Variants in CDH3 observed in about 807,000 individuals in gnomAD.
CDH3 encodes the protein cadherin-3.
In CDH3, 54 loss-of-function variants were observed where a neutral mutation model predicts 82.0. That is an observed-to-expected ratio of 0.66 (90% CI 0.53 to 0.83). CDH3 has a LOEUF of 0.83. Ranked by LOEUF, CDH3 falls within the 40% of genes least tolerant of loss-of-function variation. CDH3 has a pLI of 0.00. For synonymous variants in CDH3, 446 were observed against 437.9 expected, an observed-to-expected ratio of 1.02 and a Z score of -0.23; for missense variants, 1,054 against 1,084.6, an observed-to-expected ratio of 0.97 and a Z score of 0.40.
intron 2 of CDH3, among the ~76,000 whole-genome samples, chr16:68,655,527 T>A (rs952967160): frequency 1.3e-5 from 2 of 152,066 alleles, no homozygotes; most frequent in African/African-American, 4.8e-5. Context: ...GACAGACAAA[T>A]AAGTACAATA....
chr16:68,716,900 T>C (rs566360043), intron 1 of CDH3, among the ~76,000 whole-genome samples: 1 of 151,100 alleles, frequency 6.6e-6, no homozygotes, highest in African/African-American at 2.4e-5. Flanking sequence ...TTTTTCTTTT[T>C]TTTTTTTTTT....
At chr16:68,676,614 A>T in intron 3 of CDH3, 144 bp downstream of exon 3, 1 of 712,460 alleles carries the variant, frequency 1.4e-6, no homozygotes, top group South Asian at 1.5e-5. Flanking sequence ...TCAGCTGTCC[A>T]CAGCTTGGGT....
chr16:68,679,744 TAGAC>T, intron 6 of CDH3, 51 bp from the exon 7 acceptor site: 1 of 1,029,794 alleles, frequency 9.7e-7, no homozygotes, highest in South Asian at 1.3e-5. Flanking sequence ...GTTCCAGAAG[TAGAC>T]AGGGCTGGAG....
At chr16:68,728,664 G>A (rs545416758), downstream of CDH3, among the ~76,000 whole-genome samples, 1 of 152,296 alleles carries the variant, frequency 6.6e-6, no homozygotes, top group Admixed American at 6.5e-5. Flanking sequence ...TAAACAGAAT[G>A]CTTGGCACAT....
intron 11 of CDH3, 84 bp from the exon 12 acceptor site, chr16:68,687,428 G>A: frequency 9.8e-7 from 1 of 1,017,024 alleles, no homozygotes; most frequent in Non-Finnish European, 1.6e-6. Flanking sequence ...TGAGAGGTGA[G>A]AGCTGGGCGG....
intron 2 of CDH3, among the ~76,000 whole-genome samples, chr16:68,671,180 A>G (rs113388743): frequency 1.3e-5 from 2 of 149,164 alleles, no homozygotes; most frequent in African/African-American, 5.0e-5. Flanking sequence ...TTTAAGAGAC[A>G]GGGTCTAGCT....
intron 2 of CDH3, among the ~76,000 whole-genome samples, chr16:68,671,406 C>CTG (rs1864788407): frequency 6.6e-6 from 1 of 152,086 alleles, no homozygotes; most frequent in Admixed American, 6.6e-5. Context: ...CAACTTCTCC[C>CTG]TGTGGCTTCA....
chr16:68,719,343 T>C (rs1962134118), intron 1 of CDH3, among the ~76,000 whole-genome samples: 1 of 151,352 alleles, frequency 6.6e-6, no homozygotes, highest in African/African-American at 2.4e-5. Context: ...AAGAAACATA[T>C]ACAACAGGCC....
chr16:68,686,284 C>T, intron 11 of CDH3: 1 of 684,522 alleles, frequency 1.5e-6, no homozygotes, highest in Non-Finnish European at 2.6e-6. Context: ...CACCTGCACC[C>T]AGGCGGTCTT....
intron 2 of CDH3, among the ~76,000 whole-genome samples, chr16:68,649,661 G>A (rs1960181943): frequency 6.6e-6 from 1 of 152,124 alleles, no homozygotes; most frequent in African/African-American, 2.4e-5. Context: ...AGTACTTGGA[G>A]GGGCGTGTGG....
intron 1 of CDH3, among the ~76,000 whole-genome samples, chr16:68,709,831 CTCCT>C (rs1962006038): frequency 6.6e-6 from 1 of 152,210 alleles, no homozygotes; most frequent in African/African-American, 2.4e-5. Context: ...TTGTCCTCAA[CTCCT>C]TCCTTTTATT....
intron 2 of CDH3, among the ~76,000 whole-genome samples, chr16:68,674,608 G>C: frequency 6.6e-6 from 1 of 152,082 alleles, no homozygotes; most frequent in Middle Eastern, 3.4e-3. Context: ...GGTGGCATGC[G>C]TCTGTGGTCC....
chr16:68,695,181 G>A (rs1961679179), intron 13 of CDH3, 74 bp from the exon 14 acceptor site: 2 of 1,517,206 alleles, frequency 1.3e-6, no homozygotes, highest in African/African-American at 1.4e-5. Flanking sequence ...CAGTTAGAGG[G>A]GCTCTGAGGG....
chr16:68,676,382 C>G lies in CDH3; in HGVS notation c.161-3C>G. 1 of 1,609,980 alleles carries G rather than the reference C, an allele frequency of 6.2e-7. No individual in the cohort carries two copies. Among genetic ancestry groups the G allele is most frequent in the Middle Eastern group, 1.7e-4 (1 of 6,048 alleles). ...TAATGCTCTCTCTTCCCCTTCCCCA[C>G]AGTATTCATGGGCTGCCCTGGGCAA... is the stretch of plus-strand genomic sequence containing the variant. On this transcript the variant is annotated splice_polypyrimidine_tract_variant and splice_region_variant and intron_variant, in intron 2 of 15. Coordinates refer to ENST00000264012, the MANE Select transcript of CDH3 (RefSeq NM_001793.6).
chr16:68,655,995 A>AGGCAAGGGAGTTG (rs1239611249), intron 2 of CDH3, among the ~76,000 whole-genome samples: 27 of 152,206 alleles, frequency 1.8e-4, no homozygotes, highest in African/African-American at 6.5e-4. Flanking sequence ...AAGAAGAATT[A>AGGCAAGGGAGTTG]GGCAAGGGAG....
intron 2 of CDH3, among the ~76,000 whole-genome samples, chr16:68,665,874 A>G (rs1205476354): frequency 6.6e-6 from 1 of 152,156 alleles, no homozygotes. Context: ...TCCACCCTCA[A>G]CGACATGGGG....
chr16:68,711,732 G>A (rs1477859681), intron 1 of CDH3, among the ~76,000 whole-genome samples: 2 of 152,206 alleles, frequency 1.3e-5, no homozygotes, highest in Admixed American at 6.5e-5. Flanking sequence ...AGAAGTAAAA[G>A]CTGAGGGGTG....
intron 9 of CDH3, among the ~76,000 whole-genome samples, chr16:68,683,685 ATCC>A (rs1961300529): frequency 3.5e-5 from 1 of 28,400 alleles, no homozygotes; most frequent in African/African-American, 1.4e-4. Flanking sequence ...AAAAAAGAAA[ATCC>A]AGCCTGGACA....
chr16:68,662,967 C>A (rs904642419), intron 2 of CDH3, among the ~76,000 whole-genome samples: 3 of 141,262 alleles, frequency 2.1e-5, no homozygotes, highest in Non-Finnish European at 3.0e-5. Flanking sequence ...CTCCTGGGTT[C>A]AAGCTATTCT....
Sources: allele counts gnomAD v4.1 joint callset (sites outside exome capture counted in the v4.1 genomes callset), GRCh38; gene constraint gnomAD v4.1.1; transcripts MANE v1.5; gene names NCBI Gene and HGNC (gene_info 2026-07-23, HGNC 2026-07-21).